Variants in VPS50 observed in about 807,000 individuals in gnomAD.
VPS50 encodes VPS50 subunit of EARP/GARPII complex.
A neutral mutation model predicts 139.7 loss-of-function variants in VPS50; 70 were observed. The observed-to-expected ratio is 0.50, with a 90% CI of 0.41 to 0.61. The LOEUF is 0.61. Ranked by LOEUF, VPS50 falls within the 20% of genes least tolerant of loss-of-function variation. The probability of loss-of-function intolerance (pLI) is 0.00; values close to 1 mark genes in which losing one functional copy is unlikely to be tolerated. For synonymous variants in VPS50, 365 were observed against 376.7 expected, an observed-to-expected ratio of 0.97 and a Z score of 0.36; for missense variants, 921 against 1,133.7, an observed-to-expected ratio of 0.81 and a Z score of 2.69.
chr7:93,358,369 A>G lies in VPS50; in HGVS notation c.2828A>G (p.His943Arg), dbSNP rs759917313. Residue 943 changes from histidine to arginine, a missense_variant, in exon 28 of 28, where the codon CAT becomes CGT. His to Arg is a conservative substitution (Grantham distance 29, BLOSUM62 0). Around this residue, in one of 3 missense-constraint regions of VPS50, gnomAD observed 158 missense variants for 156.3 expected, o/e 1.01. Transcript: ENST00000305866. ...TNLVNVCLGSHINKKARQKLL... is the reference protein window; with the variant it reads ...TNLVNVCLGSRINKKARQKLL... ...CTGGTGAATGTTTGCCTGGGATCCC[A>G]TATCAATAAGAAAGCAAGACAAAAA... 1.2e-6 allele frequency: 2 copies of G among 1,612,390 alleles called. No homozygotes were observed. The highest frequency in any genetic ancestry group is 1.1e-5 in the South Asian group (1 of 91,038).
In VPS50 at chr7:93,349,967, T is replaced by C; in HGVS notation, c.2397T>C (p.Ala799=). ...ATGAACAGATGCTGCTTCTCATGGC[T>C]AATGTGAAATGGGATGTAAAAGAAA... ...LDYEQMLLLM[A]NVKWDVKEIM... is the part of the protein sequence containing the mutation. The change falls in exon 25 of 28, where the codon GCT becomes GCC. Residue 799 remains alanine, a synonymous_variant. Coordinates refer to ENST00000305866, the MANE Select transcript of VPS50 (RefSeq NM_017667.4). 6.2e-7 allele frequency: 1 copy of C among 1,611,912 alleles called. No homozygotes were observed. Among genetic ancestry groups the C allele is most frequent in the Non-Finnish European group, 8.5e-7 (1 of 1,178,068 alleles).
intron 9 of VPS50, among the ~76,000 whole-genome samples, chr7:93,268,201 A>G (rs1795898946): frequency 6.6e-6 from 1 of 152,200 alleles, no homozygotes; most frequent in Admixed American, 6.5e-5. Context: ...ACCCCTGCTC[A>G]GAGCTGTTTC....
intron 22 of VPS50, among the ~76,000 whole-genome samples, chr7:93,339,578 G>C: frequency 6.6e-6 from 1 of 151,848 alleles, no homozygotes; most frequent in East Asian, 1.9e-4. Flanking sequence ...TTTCTTTGAG[G>C]GTTTTTTAAA....
Position 93,341,565 on chromosome 7 carries a change from A to G in VPS50, c.2197A>G (p.Thr733Ala). The G allele has an allele frequency of 6.2e-7, 1 of 1,604,756 alleles. No individual in the cohort carries two copies. Among genetic ancestry groups the G allele is most frequent in the Non-Finnish European group, 8.5e-7 (1 of 1,176,734 alleles). Residue 733 changes from threonine (T) to alanine (A), a missense_variant, in exon 23 of 28, where the codon ACG becomes GCG. By Grantham distance (58) the Thr-to-Ala change is moderately conservative. This residue lies in a region of VPS50 where 744 missense variants were observed against 930.6 expected (regional missense o/e 0.80). Coordinates refer to ENST00000305866, the MANE Select transcript of VPS50 (RefSeq NM_017667.4). ...LYGLAERVVA[T>A]ESLVFLAEQF... ...TGGGTTGGCAGAAAGAGTGGTAGCC[A>G]CGGAATCCTTGTAAGTTGTTCAAAA...
intron 20 of VPS50, among the ~76,000 whole-genome samples, chr7:93,322,102 G>T (rs1319972071): frequency 6.6e-6 from 1 of 152,056 alleles, no homozygotes; most frequent in Non-Finnish European, 1.5e-5. Flanking sequence ...ATAAATCTGA[G>T]TTGAGTAGTT....
chr7:93,286,515 T>C (rs1796491260), intron 12 of VPS50, among the ~76,000 whole-genome samples: 1 of 152,168 alleles, frequency 6.6e-6, no homozygotes, highest in Admixed American at 6.5e-5. Context: ...GTTTATTATC[T>C]AAGGCATGCG....
chr7:93,232,636 G>C (rs1794669414), intron 1 of VPS50, 136 bp downstream of exon 1: 1 of 787,332 alleles, frequency 1.3e-6, no homozygotes, highest in Non-Finnish European at 2.1e-6. Flanking sequence ...TGGGAAGCCG[G>C]GGCATACCCT....
At chr7:93,348,687 C>A in intron 23 of VPS50, 24 bp from the exon 24 acceptor site, 2 of 1,443,496 alleles carry the variant, frequency 1.4e-6, no homozygotes, top group Non-Finnish European at 1.9e-6. Flanking sequence ...TTTGTTTACA[C>A]AGTGGGTTAT....
intron 16 of VPS50, among the ~76,000 whole-genome samples, chr7:93,301,517 G>A (rs1358449971): frequency 2.0e-5 from 3 of 151,896 alleles, no homozygotes; most frequent in African/African-American, 2.4e-5. Flanking sequence ...GGTTGACTGC[G>A]CTTCTTCAAT....
chr7:93,240,076 A>T, intron 2 of VPS50, 142 bp downstream of exon 2: 1 of 578,586 alleles, frequency 1.7e-6, no homozygotes, highest in South Asian at 2.0e-5. Flanking sequence ...TTTATTGTAT[A>T]GTAGGTGTAG....
Position 93,308,961 on chromosome 7 carries a change from T to C in VPS50, c.1748+19T>C, listed in dbSNP as rs1797191305. 1 of 1,276,244 alleles carries C rather than the reference T, an allele frequency of 7.8e-7. No individual in the cohort carries two copies. The highest frequency in any genetic ancestry group is 1.1e-6 in the Non-Finnish European group (1 of 875,102). The allele number at this position is 1,276,244 out of a possible 1,614,324, so 79.1% of individuals were successfully genotyped here. The stretch of plus-strand genomic sequence containing the variant: ...TGAAAAGGTGATTGTTCTTAAATTG[T>C]GTGGTATTTAGCATTTTATCTTGTG... On this transcript the variant is annotated intron_variant, in intron 19 of 27. Transcript: ENST00000305866.
intron 11 of VPS50, among the ~76,000 whole-genome samples, chr7:93,274,260 A>G (rs1032991166): frequency 2.0e-5 from 3 of 152,154 alleles, no homozygotes; most frequent in Non-Finnish European, 4.4e-5. Flanking sequence ...TTGGAAGAAG[A>G]TGCCACCTAG....
rs183741315 is a variant in VPS50, at chr7:93,271,066, A to G, written c.660-154A>G. The G allele has an allele frequency of 4.1e-4, 485 of 1,183,518 alleles. 2 individuals are homozygous for G. The African/African-American group carries it at 7.2e-3, about 18-fold the overall frequency. The allele number at this position is 1,183,518 out of a possible 1,614,324, so 73.3% of individuals were successfully genotyped here. ...TTATTCCCTTCTAATACTTTTTCTTATTGCATTGTCTATATGTAGAATTCA... is the reference window on the plus strand; with the variant it reads ...TTATTCCCTTCTAATACTTTTTCTTGTTGCATTGTCTATATGTAGAATTCA... On this transcript the variant is annotated intron_variant, in intron 9 of 27. Coordinates refer to ENST00000305866, the MANE Select transcript of VPS50 (RefSeq NM_017667.4).
At chr7:93,300,349 G>A (rs1796941958) in intron 16 of VPS50, among the ~76,000 whole-genome samples, 1 of 152,024 alleles carries the variant, frequency 6.6e-6, no homozygotes, top group Non-Finnish European at 1.5e-5. Flanking sequence ...CTTATTTTAT[G>A]AGGCCAGCAT....
At chr7:93,303,838 T>G (rs1451389877) in intron 17 of VPS50, among the ~76,000 whole-genome samples, 2 of 151,844 alleles carry the variant, frequency 1.3e-5, no homozygotes, top group Non-Finnish European at 3.0e-5. Context: ...TGTTTTGAAT[T>G]CAGAAAAGGG....
intron 9 of VPS50, among the ~76,000 whole-genome samples, chr7:93,261,641 G>GCAC (rs1163808313): frequency 7.4e-6 from 1 of 135,718 alleles, no homozygotes; most frequent in African/African-American, 2.8e-5. Context: ...TTGCGCCACT[G>GCAC]CACTCCCACC....
intron 20 of VPS50, chr7:93,323,248 C>G (rs2117020899): frequency 6.6e-6 from 1 of 152,146 alleles, no homozygotes; most frequent in African/African-American, 2.4e-5. Flanking sequence ...ATGGAAACTC[C>G]TAGAAAAGAG....
chr7:93,359,519 C>G lies in VPS50; in HGVS notation c.*1083C>G, dbSNP rs1798792199. ...TCCTAATGTATGTGACATAAAAATCCATTTTCCATGTACTCTTGCCAACTG... is the reference window on the plus strand; with the variant it reads ...TCCTAATGTATGTGACATAAAAATCGATTTTCCATGTACTCTTGCCAACTG... On this transcript the variant is annotated 3_prime_UTR_variant, in exon 28 of 28. Coordinates refer to ENST00000305866, the MANE Select transcript of VPS50 (RefSeq NM_017667.4). The G allele has an allele frequency of 2.6e-5, 4 of 152,096 alleles. No individual in the cohort carries two copies. In the South Asian group the frequency reaches 8.3e-4, roughly 32 times the overall value. The allele number at this position is 152,096 out of a possible 1,614,324, so 9.4% of individuals were successfully genotyped here.
intron 2 of VPS50, among the ~76,000 whole-genome samples, chr7:93,251,721 A>G (rs1018752112): frequency 6.6e-6 from 1 of 152,208 alleles, no homozygotes; most frequent in Non-Finnish European, 1.5e-5. Flanking sequence ...TAATTTTTGT[A>G]CATTTCCTTA....
Sources: allele counts gnomAD v4.1 joint callset (sites outside exome capture counted in the v4.1 genomes callset), GRCh38; gene constraint gnomAD v4.1.1; regional missense constraint gnomAD v4.1.1; transcripts MANE v1.5; gene names NCBI Gene and HGNC (gene_info 2026-07-23, HGNC 2026-07-21).